The following TSPAN18 variants were observed in gnomAD, a reference collection of about 807,000 sequenced individuals.
TSPAN18 encodes the protein tetraspanin 18.
A neutral mutation model predicts 27.3 loss-of-function variants in TSPAN18; 14 were observed. That is an observed-to-expected ratio of 0.51 (90% CI 0.34 to 0.80). The LOEUF (loss-of-function observed/expected upper bound fraction) is 0.80. Ranked by LOEUF, TSPAN18 falls within the 30% of genes least tolerant of loss-of-function variation. The pLI is 0.01. For missense variants in TSPAN18, 268 were observed against 323.9 expected, an observed-to-expected ratio of 0.83 and a Z score of 1.32; for synonymous variants, 143 against 136.5, an observed-to-expected ratio of 1.05 and a Z score of -0.33.
intron 2 of TSPAN18, among the ~76,000 whole-genome samples, chr11:44,815,544 G>T (rs932474993): frequency 1.3e-5 from 2 of 152,154 alleles, no homozygotes; most frequent in African/African-American, 4.8e-5. Context: ...GGAGTTGAGG[G>T]CTGATGGGAT....
chr11:44,882,132 C>T (rs1229519987), intron 3 of TSPAN18, among the ~76,000 whole-genome samples: 1 of 152,164 alleles, frequency 6.6e-6, no homozygotes, highest in Non-Finnish European at 1.5e-5. Context: ...TGCCCAAGGT[C>T]ACACAGCACC....
chr11:44,817,253 A>T (rs1391540593), intron 2 of TSPAN18, among the ~76,000 whole-genome samples: 2 of 152,264 alleles, frequency 1.3e-5, no homozygotes, highest in African/African-American at 4.8e-5. Context: ...CCTCTTTCTC[A>T]GAGTAAAATG....
chr11:44,779,340 C>T (rs1290992662), intron 2 of TSPAN18, among the ~76,000 whole-genome samples: 1 of 152,154 alleles, frequency 6.6e-6, no homozygotes, highest in Non-Finnish European at 1.5e-5. Flanking sequence ...CTCCCTGGGG[C>T]CAGATGCTTT....
intron 2 of TSPAN18, among the ~76,000 whole-genome samples, chr11:44,774,742 A>T (rs1855766011): frequency 6.6e-6 from 1 of 152,236 alleles, no homozygotes; most frequent in East Asian, 1.9e-4. Context: ...AGTTCGAAGG[A>T]CTCACCACCT....
intron 2 of TSPAN18, among the ~76,000 whole-genome samples, chr11:44,832,478 C>T (rs530972181): frequency 6.6e-6 from 1 of 152,144 alleles, no homozygotes; most frequent in African/African-American, 2.4e-5. Flanking sequence ...AATTCTCTAC[C>T]CTAGACCCCC....
chr11:44,854,456 C>T (rs996319855), intron 2 of TSPAN18, among the ~76,000 whole-genome samples: 5 of 152,176 alleles, frequency 3.3e-5, no homozygotes, highest in East Asian at 1.9e-4. Flanking sequence ...GTGCTCCATA[C>T]GTGGCAATGT....
chr11:44,846,313 C>T (rs749923005), intron 2 of TSPAN18, among the ~76,000 whole-genome samples: 6 of 152,342 alleles, frequency 3.9e-5, no homozygotes, highest in East Asian at 1.9e-4. Flanking sequence ...CCATTCCCAC[C>T]GCCTCAACAT....
At chr11:44,813,807 A>G (rs1399474740) in intron 2 of TSPAN18, among the ~76,000 whole-genome samples, 1 of 152,216 alleles carries the variant, frequency 6.6e-6, no homozygotes, top group Admixed American at 6.5e-5. Flanking sequence ...GCAGACTATC[A>G]CAGAGGGCTG....
At chr11:44,790,254 CATATGTTT>C (rs1229296696) in intron 2 of TSPAN18, among the ~76,000 whole-genome samples, 2 of 145,344 alleles carry the variant, frequency 1.4e-5, no homozygotes, top group Non-Finnish European at 3.0e-5. Flanking sequence ...CCTGTGCGTG[CATATGTTT>C]ATGTGTATGT....
chr11:44,892,057 C>T (rs1858868440), intron 3 of TSPAN18, among the ~76,000 whole-genome samples: 1 of 152,138 alleles, frequency 6.6e-6, no homozygotes, highest in African/African-American at 2.4e-5. Flanking sequence ...TGCCTACAGC[C>T]CCTTCCCCAA....
At chr11:44,879,593 C>T (rs190287930) in intron 3 of TSPAN18, among the ~76,000 whole-genome samples, 13 of 152,234 alleles carry the variant, frequency 8.5e-5, no homozygotes, top group African/African-American at 2.6e-4. Context: ...GGTCCTGAGG[C>T]GGGAATGTGC....
intron 1 of TSPAN18, among the ~76,000 whole-genome samples, chr11:44,748,511 A>G (rs1855134975): frequency 6.6e-6 from 1 of 152,152 alleles, no homozygotes; most frequent in Admixed American, 6.5e-5. Flanking sequence ...AGTGGACTGG[A>G]TCTCATTAGG....
At chr11:44,809,098 C>T (rs1856662495) in intron 2 of TSPAN18, among the ~76,000 whole-genome samples, 1 of 152,144 alleles carries the variant, frequency 6.6e-6, no homozygotes, top group African/African-American at 2.4e-5. Flanking sequence ...CACTGTTTTA[C>T]AACTGAGGCA....
intron 2 of TSPAN18, among the ~76,000 whole-genome samples, chr11:44,771,503 G>C (rs377678656): frequency 6.6e-6 from 1 of 152,206 alleles, no homozygotes; most frequent in African/African-American, 2.4e-5. Flanking sequence ...AATGTGACAG[G>C]AGCAGCAGAT....
intron 1 of TSPAN18, among the ~76,000 whole-genome samples, chr11:44,745,412 G>A (rs1251098054): frequency 6.6e-6 from 1 of 152,190 alleles, no homozygotes; most frequent in Non-Finnish European, 1.5e-5. Context: ...AGAGAAGATG[G>A]TCTGACCAGT....
intron 5 of TSPAN18, among the ~76,000 whole-genome samples, chr11:44,917,012 T>C (rs1460877309): frequency 2.6e-5 from 4 of 152,206 alleles, no homozygotes; most frequent in Non-Finnish European, 5.9e-5. Flanking sequence ...AGGGCCTTCA[T>C]GGCGAGTGCT....
In TSPAN18 at chr11:44,862,415, G is replaced by A. The variant is rs559662635; in HGVS notation, c.-11+1946G>A. On this transcript the variant is annotated intron_variant, in intron 3 of 9. Coordinates refer to ENST00000520358, the MANE Select transcript of TSPAN18 (RefSeq NM_130783.5). The stretch of plus-strand genomic sequence containing the variant: ...TCCTGGCCCTCCCCCAGTCTCTCTC[G>A]CTCTGTGTCTCGCCTGTGGGCTCCA... 1.3e-4 allele frequency among the ~76,000 whole-genome samples: 20 copies of A among 152,314 alleles called. No homozygotes were observed. The South Asian group carries it at 3.5e-3, about 27-fold the overall frequency.
intron 1 of TSPAN18, among the ~76,000 whole-genome samples, chr11:44,731,493 A>G (rs1313592746): frequency 6.6e-6 from 1 of 152,118 alleles, no homozygotes; most frequent in African/African-American, 2.4e-5. Flanking sequence ...TAAGTGCTCA[A>G]TAAGTGTTCA....
intron 1 of TSPAN18, among the ~76,000 whole-genome samples, chr11:44,753,667 A>G (rs187767751): frequency 2.0e-5 from 3 of 152,348 alleles, no homozygotes; most frequent in African/African-American, 7.2e-5. Flanking sequence ...CGTCCCAAGC[A>G]TCTATTATGT....
Sources: gnomAD v4.1 joint callset for allele counts (sites outside exome capture counted in the v4.1 genomes callset) on GRCh38, gnomAD v4.1.1 for gene constraint, MANE v1.5 for transcripts, NCBI Gene and HGNC (gene_info 2026-07-23, HGNC 2026-07-21) for gene names.